The following KAT6B variants were observed in gnomAD, a reference collection of about 807,000 sequenced individuals.
KAT6B encodes the protein lysine acetyltransferase 6B.
In KAT6B, 10 loss-of-function variants were observed where a neutral mutation model predicts 187.5. The ratio of observed to expected loss-of-function variants is 0.05; its 90% CI spans 0.03 to 0.09. The LOEUF (loss-of-function observed/expected upper bound fraction) is 0.09, where lower values mean the gene tolerates loss of function less well. KAT6B is among the 10% of genes least tolerant of loss of function. The pLI, the probability that KAT6B is intolerant of heterozygous loss-of-function variation, is 1.00. For synonymous variants in KAT6B, 861 were observed against 926.8 expected (o/e 0.93, Z 1.29); for missense variants, 1,952 against 2,558.9 (o/e 0.76, Z 5.12).
intron 2 of KAT6B, among the ~76,000 whole-genome samples, chr10:74,839,698 T>C (rs1049062231): frequency 1.3e-5 from 2 of 152,210 alleles, no homozygotes; most frequent in African/African-American, 4.8e-5. Context: ...GATGAAAGAT[T>C]AAATAATTAC....
chr10:74,827,505 GT>G (rs1840358762), intron 1 of KAT6B, among the ~76,000 whole-genome samples: 1 of 152,060 alleles, frequency 6.6e-6, no homozygotes, highest in African/African-American at 2.4e-5. Flanking sequence ...TAGCTTTGGG[GT>G]ATGAAGTATT....
chr10:74,900,821 G>A (rs1846331632), intron 3 of KAT6B, among the ~76,000 whole-genome samples: 1 of 152,182 alleles, frequency 6.6e-6, no homozygotes, highest in South Asian at 2.1e-4. Flanking sequence ...TGCAAATGTT[G>A]GGGGAGTGGG....
At chr10:75,019,505 A>G (rs1299853343) in intron 13 of KAT6B, among the ~76,000 whole-genome samples, 2 of 152,232 alleles carry the variant, frequency 1.3e-5, no homozygotes, top group African/African-American at 4.8e-5. Context: ...GGAAATGTAG[A>G]TAAAGAAGAA....
intron 13 of KAT6B, chr10:75,003,166 G>T (rs1158811041): frequency 6.6e-6 from 1 of 152,208 alleles, no homozygotes; most frequent in Non-Finnish European, 1.5e-5. Context: ...AGATGTCACT[G>T]CCTGCTCTAA....
At chr10:74,899,337 C>T (rs1021480184) in intron 3 of KAT6B, among the ~76,000 whole-genome samples, 6 of 150,260 alleles carry the variant, frequency 4.0e-5, no homozygotes, top group South Asian at 2.1e-4. Context: ...TGCAATGGCG[C>T]GATCTCGGCT....
rs1349950053 is a variant in KAT6B, at chr10:75,030,941, G to A, written c.6117G>A (p.Gln2039=). ...AGCCATATGCCCAGCAGCCAATGCAGACCCCACCCCACGGTAACATGATGT... is the reference window on the plus strand; with the variant it reads ...AGCCATATGCCCAGCAGCCAATGCAAACCCCACCCCACGGTAACATGATGT... ...GTQPYAQQPM[Q]TPPHGNMMYT... is the part of the protein sequence containing the mutation. The change falls in exon 18 of 18, where the codon CAG becomes CAA. Residue 2039 remains glutamine (Q), a synonymous_variant. Transcript: ENST00000287239. This position sits in a 1 kb window ranked among gnomAD's most constrained non-coding sequence, Gnocchi z 4.8. 1 of 1,614,156 alleles carries A rather than the reference G, an allele frequency of 6.2e-7. No individual in the cohort carries two copies. The highest frequency in any genetic ancestry group is 1.1e-5 in the South Asian group (1 of 91,076).
chr10:74,847,621 G>A (rs1275957705), intron 3 of KAT6B, among the ~76,000 whole-genome samples: 4 of 151,628 alleles, frequency 2.6e-5, no homozygotes, highest in African/African-American at 9.7e-5. Context: ...CCGAGATTGC[G>A]CCATTGCATT....
intron 13 of KAT6B, among the ~76,000 whole-genome samples, chr10:74,997,596 T>A (rs1420521013): frequency 6.6e-6 from 1 of 151,904 alleles, no homozygotes; most frequent in Non-Finnish European, 1.5e-5. Context: ...GAAAAAAAAA[T>A]TGTTGGTGGT....
intron 3 of KAT6B, among the ~76,000 whole-genome samples, chr10:74,928,124 A>G (rs1848629757): frequency 6.6e-6 from 1 of 152,216 alleles, no homozygotes; most frequent in South Asian, 2.1e-4. Context: ...AACATTTTTT[A>G]CTCTGCTCAA....
At chr10:74,850,981 C>G (rs184067677) in intron 3 of KAT6B, among the ~76,000 whole-genome samples, 29 of 152,206 alleles carry the variant, frequency 1.9e-4, no homozygotes, top group African/African-American at 7.0e-4. Context: ...GGGACACTTT[C>G]AGTATCAAGT....
chr10:74,963,129 T>C (rs983017175), intron 4 of KAT6B, among the ~76,000 whole-genome samples: 1 of 152,212 alleles, frequency 6.6e-6, no homozygotes, highest in African/African-American at 2.4e-5. Context: ...TGAAGGATTA[T>C]TCCAGCCACT....
chr10:74,843,609 C>T lies in KAT6B; in HGVS notation c.621+131C>T, dbSNP rs573506191. Reference sequence around the variant, plus strand: ...ATTGAATGTTTTGCCTTAGAGCAGGCTTTTGTATTTTAAAATGTATATATT... The same window carrying T: ...ATTGAATGTTTTGCCTTAGAGCAGGTTTTTGTATTTTAAAATGTATATATT... On this transcript the variant is annotated intron_variant, in intron 3 of 17. Transcript: ENST00000287239. 6.3e-5 allele frequency: 72 copies of T among 1,150,270 alleles called. No homozygotes were observed. In the Admixed American group the frequency reaches 1.0e-3, roughly 16 times the overall value. The allele number at this position is 1,150,270 out of a possible 1,614,324, so 71.3% of individuals were successfully genotyped here.
intron 11 of KAT6B, chr10:74,983,012 T>G (rs1487415152): frequency 1.3e-5 from 2 of 152,246 alleles, no homozygotes; most frequent in Non-Finnish European, 2.9e-5. Flanking sequence ...CCACTAGTTT[T>G]TCCCCAAGAC....
chr10:75,022,111 G>GGAA lies in KAT6B; in HGVS notation c.3258_3260dup (p.Glu1089dup). On this transcript the variant is annotated inframe_insertion, in exon 16 of 18. Transcript: ENST00000287239. ...AGGACGAGGAGGAGGAAGAAGAGGA[G>GGAA]GAAGAAGAGGAAGAGGATGAAGAGG... 2 of 1,600,540 alleles carry GGAA rather than the reference G, an allele frequency of 1.2e-6. No homozygotes were observed. The highest frequency in any genetic ancestry group is 1.7e-5 in the Admixed American group (1 of 59,762).
intron 3 of KAT6B, among the ~76,000 whole-genome samples, chr10:74,957,348 G>C (rs1840762001): frequency 6.6e-6 from 1 of 152,222 alleles, no homozygotes; most frequent in Admixed American, 6.5e-5. Context: ...TAAAATAAAT[G>C]GTTGTGAGCA....
At position 75,031,393 on chromosome 10, in the gene KAT6B, T is replaced by C. The variant is rs1439763879; in HGVS notation, c.*347T>C. ...TCAAGCCCCCCCAAATTATCTGTTT[T>C]AATATTGAACCTAGAGCTTTTTTTT... is the stretch of plus-strand genomic sequence containing the variant. On this transcript the variant is annotated 3_prime_UTR_variant, in exon 18 of 18. Coordinates refer to ENST00000287239, the MANE Select transcript of KAT6B (RefSeq NM_012330.4). The C allele has an allele frequency of 1.3e-5, 5 of 394,850 alleles. No individual in the cohort carries two copies. The highest frequency in any genetic ancestry group is 8.4e-5 in the Admixed American group (2 of 23,804). The allele number at this position is 394,850 out of a possible 1,614,324, so 24.5% of individuals were successfully genotyped here.
At chr10:74,841,042 G>A (rs1841709202) in intron 2 of KAT6B, among the ~76,000 whole-genome samples, 1 of 152,202 alleles carries the variant, frequency 6.6e-6, no homozygotes, top group Non-Finnish European at 1.5e-5. Context: ...TTTGATGAAA[G>A]TGATAACTAT....
chr10:75,002,985 C>T (rs1205144826), intron 13 of KAT6B: 1 of 152,142 alleles, frequency 6.6e-6, no homozygotes, highest in African/African-American at 2.4e-5. Context: ...TGTGCTTTCC[C>T]TTCTAGTGTG....
intron 3 of KAT6B, among the ~76,000 whole-genome samples, chr10:74,902,106 T>A (rs1010145475): frequency 6.6e-6 from 1 of 152,202 alleles, no homozygotes; most frequent in South Asian, 2.1e-4. Flanking sequence ...CTTTCTTCTG[T>A]TGGCTCCCTC....
Sources: allele counts gnomAD v4.1 joint callset (sites outside exome capture counted in the v4.1 genomes callset), GRCh38; gene constraint gnomAD v4.1.1; non-coding constraint Gnocchi (gnomAD v3.1); transcripts MANE v1.5; gene names NCBI Gene and HGNC (gene_info 2026-07-23, HGNC 2026-07-21).